Variants in ULK4 observed in about 807,000 individuals in gnomAD.
The protein encoded by ULK4 is unc-51 like kinase 4.
In ULK4, 133 loss-of-function variants were observed where a neutral mutation model predicts 160.6. That is an observed-to-expected ratio of 0.83 (90% CI 0.72 to 0.96). The LOEUF (loss-of-function observed/expected upper bound fraction) is 0.96. Ranked by LOEUF, ULK4 falls within the 40% of genes least tolerant of loss-of-function variation. The probability of loss-of-function intolerance (pLI) is 0.00; values close to 1 mark genes in which losing one functional copy is unlikely to be tolerated. For missense variants in ULK4, 1,580 were observed against 1,499.5 expected, an observed-to-expected ratio of 1.05 and a Z score of -0.89; for synonymous variants, 534 against 539.8, an observed-to-expected ratio of 0.99 and a Z score of 0.15.
chr3:41,733,573 TA>T (rs1221254874), intron 22 of ULK4, among the ~76,000 whole-genome samples: 5 of 151,940 alleles, frequency 3.3e-5, no homozygotes, highest in African/African-American at 7.2e-5. Context: ...TAAATATTTA[TA>T]AAAAGAGGTA....
At chr3:41,825,878 T>C (rs182301838) in intron 18 of ULK4, among the ~76,000 whole-genome samples, 25 of 152,192 alleles carry the variant, frequency 1.6e-4, no homozygotes, top group Middle Eastern at 3.4e-3. Context: ...AAAGTTGAAA[T>C]GAAGAACAAA....
intron 31 of ULK4, among the ~76,000 whole-genome samples, chr3:41,566,908 G>C (rs2087800928): frequency 1.3e-5 from 2 of 152,108 alleles, no homozygotes; most frequent in South Asian, 4.1e-4. Context: ...ACTAGGATGA[G>C]GCAAGAGAGA....
chr3:41,703,347 A>C (rs2036749179), intron 27 of ULK4, among the ~76,000 whole-genome samples: 1 of 152,130 alleles, frequency 6.6e-6, no homozygotes, highest in Non-Finnish European at 1.5e-5. Context: ...ACATTCTCTA[A>C]CTTCAAAGCA....
At chr3:41,349,423 G>C (rs2080867423) in intron 35 of ULK4, among the ~76,000 whole-genome samples, 1 of 152,132 alleles carries the variant, frequency 6.6e-6, no homozygotes, top group Admixed American at 6.5e-5. Context: ...CTGGCCTCTA[G>C]GTCCATTTGA....
chr3:41,512,952 G>C lies in ULK4; in HGVS notation c.3227-49699C>G, dbSNP rs1382935205. Among the ~76,000 whole-genome samples, 3 of 151,932 alleles carry C rather than the reference G, an allele frequency of 2.0e-5. No homozygotes were observed. In the South Asian group the frequency reaches 6.2e-4, roughly 32 times the overall value. ...GCACATAGACCAATAAAATATAATAGAGAAACCAGAAATAAAGCCAAATAC... is the reference window on the plus strand; with the variant it reads ...GCACATAGACCAATAAAATATAATACAGAAACCAGAAATAAAGCCAAATAC... On this transcript the variant is annotated intron_variant, in intron 32 of 36. Coordinates refer to ENST00000301831, the MANE Select transcript of ULK4 (RefSeq NM_017886.4).
chr3:41,812,163 G>C (rs2040837304), intron 19 of ULK4, among the ~76,000 whole-genome samples: 1 of 152,140 alleles, frequency 6.6e-6, no homozygotes, highest in African/African-American at 2.4e-5. Flanking sequence ...GCACACACCT[G>C]TAGTCTCAGC....
At chr3:41,544,999 A>C (rs1221025663) in intron 32 of ULK4, among the ~76,000 whole-genome samples, 1 of 152,192 alleles carries the variant, frequency 6.6e-6, no homozygotes, top group African/African-American at 2.4e-5. Context: ...TTTCTTGAAT[A>C]AACACTCCTT....
chr3:41,455,955 G>C (rs1373751686), intron 33 of ULK4, among the ~76,000 whole-genome samples: 1 of 152,074 alleles, frequency 6.6e-6, no homozygotes, highest in Non-Finnish European at 1.5e-5. Flanking sequence ...TGTCACCCAG[G>C]CTGTTGTGCA....
intron 34 of ULK4, among the ~76,000 whole-genome samples, chr3:41,399,989 T>C (rs960004203): frequency 6.6e-5 from 10 of 152,344 alleles, no homozygotes; most frequent in Middle Eastern, 3.4e-3. Flanking sequence ...TTTTTATATA[T>C]GGTGTAAGTA....
At chr3:41,433,803 T>C (rs1025672120) in intron 34 of ULK4, among the ~76,000 whole-genome samples, 34 of 152,094 alleles carry the variant, frequency 2.2e-4, no homozygotes, top group African/African-American at 8.0e-4. Context: ...CACTGCAACC[T>C]CCGCCTTCCG....
chr3:41,669,636 C>T (rs2371625), intron 29 of ULK4, among the ~76,000 whole-genome samples: 13,310 of 152,076 alleles, frequency 0.088, 1,199 homozygotes, highest in African/African-American at 0.23. Context: ...TCCAAGGATG[C>T]AGCCATAAAA....
intron 20 of ULK4, among the ~76,000 whole-genome samples, chr3:41,791,425 C>T (rs2040147182): frequency 6.6e-6 from 1 of 152,176 alleles, no homozygotes; most frequent in South Asian, 2.1e-4. Flanking sequence ...CCACTGCACC[C>T]AGCCTCAATC....
At chr3:41,914,846 C>T (rs1359395603) in intron 8 of ULK4, 1 of 152,148 alleles carries the variant, frequency 6.6e-6, no homozygotes, top group Non-Finnish European at 1.5e-5. Context: ...GGTGAAACCC[C>T]ATCTCTACTA....
rs767841450 is a variant in ULK4, at chr3:41,912,798, G to A, written c.896+9C>T. 5.6e-6 allele frequency: 9 copies of A among 1,613,138 alleles called. No individual in the cohort carries two copies. Among genetic ancestry groups the A allele is most frequent in the South Asian group, 1.1e-5 (1 of 91,070 alleles). ...CTATGTCCCATACACAAAGGTAAGT[G>A]TATACTACCTGAGACTGAGATCTTC... On this transcript the variant is annotated intron_variant, in intron 9 of 36. Transcript: ENST00000301831.
intron 35 of ULK4, among the ~76,000 whole-genome samples, chr3:41,313,841 A>T (rs28695906): frequency 0.18 from 26,808 of 152,106 alleles, 3,005 homozygotes; most frequent in African/African-American, 0.32. Flanking sequence ...CTTGAACAGA[A>T]ACAAGGTATG....
chr3:41,545,530 T>A (rs2125958368), intron 32 of ULK4, among the ~76,000 whole-genome samples: 1 of 152,330 alleles, frequency 6.6e-6, no homozygotes, highest in East Asian at 1.9e-4. Flanking sequence ...TTATGTAATA[T>A]ATAATTTTTC....
chr3:41,829,595 A>T (rs975814504), intron 18 of ULK4, among the ~76,000 whole-genome samples: 309 of 152,290 alleles, frequency 2.0e-3, no homozygotes, highest in African/African-American at 7.1e-3. Context: ...CCACAATGAG[A>T]TACCATCTCA....
rs550632346 is a variant in ULK4, at chr3:41,619,513, C to T, written c.3072-3796G>A. Among the ~76,000 whole-genome samples the T allele has an allele frequency of 5.9e-4, 89 of 152,134 alleles. 2 individuals carry two copies. In the South Asian group the frequency reaches 0.017, roughly 29 times the overall value. ...GGAAACTGAACAACCTGCTCCTGAA[C>T]GACTACTGGGTAAATAACGAAATGA... On this transcript the variant is annotated intron_variant, in intron 30 of 36. Coordinates refer to ENST00000301831, the MANE Select transcript of ULK4 (RefSeq NM_017886.4).
At chr3:41,895,400 T>C (rs1160121596) in intron 16 of ULK4, 118 bp downstream of exon 16, 2 of 512,198 alleles carry the variant, frequency 3.9e-6, no homozygotes, top group Admixed American at 4.4e-5. Context: ...AGTAGAGTCA[T>C]CATTACATCA....
Sources: allele counts gnomAD v4.1 joint callset (sites outside exome capture counted in the v4.1 genomes callset), GRCh38; gene constraint gnomAD v4.1.1; transcripts MANE v1.5; gene names NCBI Gene and HGNC (gene_info 2026-07-23, HGNC 2026-07-21).